Variants in SHISA6 observed in about 807,000 individuals in gnomAD.
The protein encoded by SHISA6 is shisa family member 6.
Under a neutral mutation model 47.9 loss-of-function variants are expected in SHISA6, and 22 were observed. The ratio of observed to expected loss-of-function variants is 0.46; its 90% confidence interval spans 0.33 to 0.66. The LOEUF (loss-of-function observed/expected upper bound fraction) is 0.66. Among genes scored for constraint, SHISA6 ranks in the 30% least tolerant of loss-of-function variants. The probability of loss-of-function intolerance (pLI) is 0.02; values close to 1 mark genes in which losing one functional copy is unlikely to be tolerated. For synonymous variants in SHISA6, 388 were observed against 337.8 expected (o/e 1.15, Z -1.63); for missense variants, 680 against 764.6 (o/e 0.89, Z 1.30).
intron 1 of SHISA6, among the ~76,000 whole-genome samples, chr17:11,253,653 A>C (rs1907900812): frequency 6.6e-6 from 1 of 152,094 alleles, no homozygotes; most frequent in Non-Finnish European, 1.5e-5. Context: ...TGAATTGGTG[A>C]TGCTTGACTG....
intron 3 of SHISA6, among the ~76,000 whole-genome samples, chr17:11,426,686 A>C (rs1318007001): frequency 1.3e-5 from 2 of 152,236 alleles, no homozygotes. Flanking sequence ...CATCTTAATA[A>C]ATTTAGAGTA....
At chr17:11,370,298 C>T (rs1489630614) in intron 2 of SHISA6, among the ~76,000 whole-genome samples, 1 of 152,164 alleles carries the variant, frequency 6.6e-6, no homozygotes, top group Non-Finnish European at 1.5e-5. Context: ...ATATAATATA[C>T]AGGAGACCCC....
intron 3 of SHISA6, among the ~76,000 whole-genome samples, chr17:11,489,360 T>A (rs1158174996): frequency 2.6e-5 from 4 of 152,210 alleles, no homozygotes; most frequent in Non-Finnish European, 5.9e-5. Context: ...CCACTGAGCA[T>A]CTGACATGAC....
chr17:11,493,368 A>C (rs2071381706), intron 3 of SHISA6, among the ~76,000 whole-genome samples: 1 of 152,108 alleles, frequency 6.6e-6, no homozygotes, highest in South Asian at 2.1e-4. Context: ...CTGGGATTAC[A>C]GGTGCATGCC....
intron 2 of SHISA6, among the ~76,000 whole-genome samples, chr17:11,349,289 A>T (rs1412315389): frequency 6.6e-6 from 1 of 152,202 alleles, no homozygotes; most frequent in Non-Finnish European, 1.5e-5. Context: ...TATTTTGTTC[A>T]TAGTGCAGCT....
chr17:11,395,961 A>C (rs1295558766), intron 3 of SHISA6, among the ~76,000 whole-genome samples: 1 of 152,240 alleles, frequency 6.6e-6, no homozygotes, highest in Non-Finnish European at 1.5e-5. Flanking sequence ...GAGCGTTTCC[A>C]TTAAGATCCT....
intron 3 of SHISA6, among the ~76,000 whole-genome samples, chr17:11,511,515 A>T (rs1485353537): frequency 2.0e-5 from 3 of 151,772 alleles, no homozygotes; most frequent in Non-Finnish European, 4.4e-5. Flanking sequence ...AAAAAACAGT[A>T]GAAAAAAATC....
chr17:11,398,378 T>A (rs1213476868), intron 3 of SHISA6, among the ~76,000 whole-genome samples: 1 of 152,144 alleles, frequency 6.6e-6, no homozygotes, highest in Non-Finnish European at 1.5e-5. Context: ...CTCTTTCGTC[T>A]TACAGGATGC....
chr17:11,545,628 C>T (rs1293322880), intron 3 of SHISA6, among the ~76,000 whole-genome samples: 1 of 152,170 alleles, frequency 6.6e-6, no homozygotes, highest in African/African-American at 2.4e-5. Flanking sequence ...ATAAAGACAA[C>T]ATTTAGCTTG....
chr17:11,479,887 CCTTT>C (rs1212251329), intron 3 of SHISA6, among the ~76,000 whole-genome samples: 1 of 151,772 alleles, frequency 6.6e-6, no homozygotes, highest in Non-Finnish European at 1.5e-5. Context: ...CATTATTCTT[CCTTT>C]CTTTATGTAG....
intron 3 of SHISA6, among the ~76,000 whole-genome samples, chr17:11,403,676 T>A (rs185246197): frequency 2.6e-5 from 4 of 152,356 alleles, no homozygotes; most frequent in Admixed American, 2.6e-4. Flanking sequence ...AATTTGTTTC[T>A]CTTTTGTTTT....
chr17:11,267,606 G>A (rs929456046), intron 2 of SHISA6, among the ~76,000 whole-genome samples: 2 of 152,188 alleles, frequency 1.3e-5, no homozygotes, highest in African/African-American at 4.8e-5. Flanking sequence ...AGAAAACTTT[G>A]AGAACTGAGC....
intron 2 of SHISA6, among the ~76,000 whole-genome samples, chr17:11,365,081 T>C (rs1912400076): frequency 6.6e-6 from 1 of 152,118 alleles, no homozygotes; most frequent in Non-Finnish European, 1.5e-5. Flanking sequence ...CCTCAAGAAG[T>C]TTTCTGAAGA....
chr17:11,403,443 G>T (rs1328750927), intron 3 of SHISA6, among the ~76,000 whole-genome samples: 7 of 152,218 alleles, frequency 4.6e-5, no homozygotes, highest in Non-Finnish European at 7.3e-5. Flanking sequence ...CACCCTGGAA[G>T]TTTTTCTAGG....
chr17:11,300,149 C>CAAA (rs56060137), intron 2 of SHISA6, among the ~76,000 whole-genome samples: 31,628 of 128,774 alleles, frequency 0.25, 4,190 homozygotes, highest in Non-Finnish European at 0.34. Flanking sequence ...CATCTTAAAA[C>CAAA]AAAAAAAAAA....
intron 2 of SHISA6, among the ~76,000 whole-genome samples, chr17:11,351,438 A>G (rs144594274): frequency 1.6e-4 from 25 of 152,326 alleles, no homozygotes; most frequent in African/African-American, 6.0e-4. Context: ...ATTTTCCTTT[A>G]ATATCCAGTC....
At chr17:11,542,929 T>C (rs2071846077) in intron 3 of SHISA6, among the ~76,000 whole-genome samples, 1 of 152,118 alleles carries the variant, frequency 6.6e-6, no homozygotes, top group African/African-American at 2.4e-5. Context: ...GAATAGTGTC[T>C]AGGATGGAGT....
At chr17:11,310,665 T>G (rs1910292741) in intron 2 of SHISA6, among the ~76,000 whole-genome samples, 1 of 152,178 alleles carries the variant, frequency 6.6e-6, no homozygotes. Flanking sequence ...GACAAGATCA[T>G]ATTTATGCTT....
intron 2 of SHISA6, among the ~76,000 whole-genome samples, chr17:11,335,922 C>T (rs905413851): frequency 2.0e-5 from 3 of 151,954 alleles, no homozygotes; most frequent in Non-Finnish European, 2.9e-5. Context: ...GTGGGCCAGG[C>T]GTGGTGGCTC....
Sources: allele counts gnomAD v4.1 joint callset (sites outside exome capture counted in the v4.1 genomes callset), GRCh38; gene constraint gnomAD v4.1.1; transcripts MANE v1.5; gene names NCBI Gene and HGNC (gene_info 2026-07-23, HGNC 2026-07-21).